The following PADI1 variants were observed in gnomAD, a reference collection of about 807,000 sequenced individuals.
PADI1 encodes the protein protein-arginine deiminase type-1.
A neutral mutation model predicts 74.8 loss-of-function variants in PADI1; 65 were observed. That is an observed-to-expected ratio of 0.87 (90% CI 0.71 to 1.07). The LOEUF (loss-of-function observed/expected upper bound fraction) is 1.07, where lower values mean the gene tolerates loss of function less well. PADI1 is among the 50% of genes least tolerant of loss of function. The pLI, the probability that PADI1 is intolerant of heterozygous loss-of-function variation, is 0.00. For missense variants in PADI1, 943 were observed against 854.0 expected, an observed-to-expected ratio of 1.10 and a Z score of -1.30; for synonymous variants, 371 against 336.2, an observed-to-expected ratio of 1.10 and a Z score of -1.13.
At chr1:17,208,710 T>C (rs1315434437) in intron 1 of PADI1, among the ~76,000 whole-genome samples, 1 of 152,192 alleles carries the variant, frequency 6.6e-6, no homozygotes, top group Non-Finnish European at 1.5e-5. Flanking sequence ...ATTCCCTGGA[T>C]CTGGCCAGAC....
chr1:17,213,989 C>T (rs760512221), intron 1 of PADI1, among the ~76,000 whole-genome samples: 31 of 152,274 alleles, frequency 2.0e-4, no homozygotes, highest in Admixed American at 4.6e-4. Context: ...CTGCTCTGGG[C>T]GGCGCAGACG....
chr1:17,226,515 A>T (rs1030824568), intron 6 of PADI1, among the ~76,000 whole-genome samples: 2 of 152,138 alleles, frequency 1.3e-5, no homozygotes, highest in Non-Finnish European at 2.9e-5. Flanking sequence ...CATGCCAAGC[A>T]CTGTCCAGGC....
intron 10 of PADI1, 46 bp from the exon 11 acceptor site, chr1:17,232,773 C>G: frequency 6.3e-7 from 1 of 1,575,864 alleles, no homozygotes; most frequent in Non-Finnish European, 8.7e-7. Context: ...CCTGTCCTCA[C>G]TGACCTCTCC....
intron 4 of PADI1, among the ~76,000 whole-genome samples, chr1:17,225,446 C>T (rs1015675691): frequency 2.0e-5 from 3 of 152,194 alleles, no homozygotes; most frequent in Non-Finnish European, 4.4e-5. Flanking sequence ...TTCTCCAGAT[C>T]CCGACCCTCA....
rs1160551803 is a variant in PADI1, at chr1:17,233,583, G to T, written c.1313+613G>T. On this transcript the variant is annotated intron_variant, in intron 11 of 15. Transcript: ENST00000375471. Reference sequence around the variant, plus strand: ...GATGTCTGTTAGGTCCTGCTGAGTGGGTGCACACCCTCCCTGCAGGTAACC... The same window carrying T: ...GATGTCTGTTAGGTCCTGCTGAGTGTGTGCACACCCTCCCTGCAGGTAACC... Among the ~76,000 whole-genome samples the T allele has an allele frequency of 2.6e-5, 4 of 152,208 alleles. No individual in the cohort carries two copies. The South Asian group carries it at 6.2e-4, about 24-fold the overall frequency.
chr1:17,237,308 G>A lies in PADI1; in HGVS notation c.1314-6G>A. 1 of 1,605,264 alleles carries A rather than the reference G, an allele frequency of 6.2e-7. No individual in the cohort carries two copies. The highest frequency in any genetic ancestry group is 8.5e-7 in the Non-Finnish European group (1 of 1,175,456). On this transcript the variant is annotated splice_region_variant and splice_polypyrimidine_tract_variant and intron_variant, in intron 11 of 15. Transcript: ENST00000375471. Reference sequence around the variant, plus strand: ...GGTGACTGCCCGCCCTCTCCCTCCTGGCCAGGTCCGGTGGGCGGCAGATGG... The same window carrying A: ...GGTGACTGCCCGCCCTCTCCCTCCTAGCCAGGTCCGGTGGGCGGCAGATGG...
chr1:17,217,917 G>A (rs1215127231), intron 1 of PADI1, among the ~76,000 whole-genome samples: 1 of 152,224 alleles, frequency 6.6e-6, no homozygotes, highest in African/African-American at 2.4e-5. Context: ...ATTGTGGTTA[G>A]TACCAAAAAT....
chr1:17,222,161 C>G, intron 1 of PADI1, 129 bp from the exon 2 acceptor site: 1 of 658,828 alleles, frequency 1.5e-6, no homozygotes, highest in Non-Finnish European at 2.7e-6. Context: ...TGCCCTGTGC[C>G]TCCCCAGCCT....
Position 17,237,687 on chromosome 1 carries a change from T to C in PADI1, c.1458+229T>C, listed in dbSNP as rs369221005. On this transcript the variant is annotated intron_variant, in intron 12 of 15. Coordinates refer to ENST00000375471, the MANE Select transcript of PADI1 (RefSeq NM_013358.3). ...TAGTCAGGAATGATATTGATAATAA[T>C]TGGTAATATTTATTGAGCACCTACT... 4.5e-4 allele frequency among the ~76,000 whole-genome samples: 69 copies of C among 152,322 alleles called. No homozygotes were observed. The East Asian group carries it at 8.3e-3, about 18-fold the overall frequency.
intron 11 of PADI1, among the ~76,000 whole-genome samples, chr1:17,235,293 G>GGGAGGGAGGGAAGGAAGGAA (rs1557479120): frequency 1.6e-5 from 1 of 62,828 alleles, no homozygotes; most frequent in African/African-American, 5.9e-5. Flanking sequence ...GAAGGAAGGA[G>GGGAGGGAGGGAAGGAAGGAA]GGAAGGAAGG....
At chr1:17,230,282 A>T in intron 9 of PADI1, 74 bp downstream of exon 9, 2 of 1,545,762 alleles carry the variant, frequency 1.3e-6, no homozygotes, top group East Asian at 4.5e-5. Context: ...TGCCTGATGG[A>T]CCCAGTGTCG....
intron 1 of PADI1, among the ~76,000 whole-genome samples, chr1:17,221,171 A>G (rs1288854906): frequency 1.3e-5 from 2 of 152,192 alleles, no homozygotes; most frequent in Non-Finnish European, 2.9e-5. Context: ...TCAAGTGCAG[A>G]TGGGCTTGAA....
chr1:17,216,014 G>A (rs1557453601), intron 1 of PADI1, among the ~76,000 whole-genome samples: 1 of 152,190 alleles, frequency 6.6e-6, no homozygotes, highest in Non-Finnish European at 1.5e-5. Context: ...ATGCTACCCT[G>A]AGAGAAGGAA....
At chr1:17,221,230 G>A (rs897877016) in intron 1 of PADI1, among the ~76,000 whole-genome samples, 6 of 152,168 alleles carry the variant, frequency 3.9e-5, no homozygotes, top group African/African-American at 4.8e-5. Flanking sequence ...TCATTCACAC[G>A]TGTTTATTGG....
intron 6 of PADI1, among the ~76,000 whole-genome samples, chr1:17,227,764 C>T (rs1245156843): frequency 6.6e-6 from 1 of 152,134 alleles, no homozygotes; most frequent in Non-Finnish European, 1.5e-5. Context: ...GATGTTTAGG[C>T]AGAGGACTCA....
At position 17,222,480 on chromosome 1, in the gene PADI1, C is replaced by T. The variant is rs762082736; in HGVS notation, c.273+10C>T. The T allele has an allele frequency of 1.1e-5, 17 of 1,604,796 alleles. No homozygotes were observed. Among genetic ancestry groups the T allele is most frequent in the Non-Finnish European group, 1.3e-5 (15 of 1,171,774 alleles). On this transcript the variant is annotated intron_variant, in intron 2 of 15. Transcript: ENST00000375471. Reference sequence around the variant, plus strand: ...ATTAAAGGACTTCAAGGTAAGAGGCCACTTTCTCATAGAAAAGGGTTGGAT... The same window carrying T: ...ATTAAAGGACTTCAAGGTAAGAGGCTACTTTCTCATAGAAAAGGGTTGGAT...
chr1:17,237,364 A>G lies in PADI1; in HGVS notation c.1364A>G (p.Gln455Arg). The G allele has an allele frequency of 6.2e-7, 1 of 1,613,354 alleles. No individual in the cohort carries two copies. The highest frequency in any genetic ancestry group is 8.5e-7 in the Non-Finnish European group (1 of 1,179,580). Reference protein sequence around the residue: ...ARAVRNFLKAQQVQAPVELYS... With the variant: ...ARAVRNFLKARQVQAPVELYS... The stretch of plus-strand genomic sequence containing the variant: ...GCAGTGCGGAACTTCCTGAAGGCAC[A>G]GCAGGTGCAGGCACCCGTGGAGCTC... Residue 455 changes from glutamine to arginine, a missense_variant, in exon 12 of 16, where the codon CAG (glutamine) becomes CGG (arginine). Coordinates refer to ENST00000375471, the MANE Select transcript of PADI1 (RefSeq NM_013358.3).
intron 10 of PADI1, among the ~76,000 whole-genome samples, chr1:17,230,980 T>C (rs1195022373): frequency 6.6e-6 from 1 of 152,176 alleles, no homozygotes; most frequent in African/African-American, 2.4e-5. Context: ...GGCAGTGTGG[T>C]CAGCTCTGGG....
intron 11 of PADI1, 100 bp downstream of exon 11, chr1:17,233,070 G>C (rs2072542026): frequency 8.7e-7 from 1 of 1,148,974 alleles, no homozygotes; most frequent in Non-Finnish European, 1.2e-6. Context: ...AGTCTGAGAA[G>C]TGATCTTAAC....
Sources: gnomAD v4.1 joint callset for allele counts (sites outside exome capture counted in the v4.1 genomes callset) on GRCh38, gnomAD v4.1.1 for gene constraint, MANE v1.5 for transcripts, NCBI Gene and HGNC (gene_info 2026-07-23, HGNC 2026-07-21) for gene names.